The following RASGEF1C variants were observed in gnomAD, a reference collection of about 807,000 sequenced individuals.
The protein encoded by RASGEF1C is ras-GEF domain-containing family member 1C.
RASGEF1C carries 27 observed loss-of-function variants against 58.1 expected under a neutral mutation model. The ratio of observed to expected loss-of-function variants is 0.46; its 90% CI spans 0.34 to 0.64. The LOEUF (loss-of-function observed/expected upper bound fraction) is 0.64, where lower values mean the gene tolerates loss of function less well. Ranked by LOEUF, RASGEF1C falls within the 30% of genes least tolerant of loss-of-function variation. The pLI is 0.01. For missense variants in RASGEF1C, 502 were observed against 605.1 expected, an observed-to-expected ratio of 0.83 and a Z score of 1.79; for synonymous variants, 243 against 246.3, an observed-to-expected ratio of 0.99 and a Z score of 0.13.
intron 6 of RASGEF1C, among the ~76,000 whole-genome samples, chr5:180,121,836 G>T (rs1329073365): frequency 6.6e-6 from 1 of 152,248 alleles, no homozygotes; most frequent in Non-Finnish European, 1.5e-5. Flanking sequence ...CATCTCCAGA[G>T]GAGGCTAAGC....
chr5:180,138,564 C>T (rs1395684534), intron 1 of RASGEF1C, among the ~76,000 whole-genome samples: 3 of 152,158 alleles, frequency 2.0e-5, no homozygotes, highest in Non-Finnish European at 4.4e-5. Flanking sequence ...GCCATTGTGG[C>T]AGGAAAGTGG....
At chr5:180,191,171 A>T (rs575490240) in intron 1 of RASGEF1C, among the ~76,000 whole-genome samples, 1 of 152,332 alleles carries the variant, frequency 6.6e-6, no homozygotes, top group Admixed American at 6.5e-5. Flanking sequence ...AGCAACTGGA[A>T]TTGCCATACG....
intron 11 of RASGEF1C, among the ~76,000 whole-genome samples, chr5:180,112,447 A>G (rs572046078): frequency 7.6e-4 from 115 of 152,082 alleles, no homozygotes; most frequent in African/African-American, 2.5e-3. Flanking sequence ...CTGCACCTCT[A>G]CCCCCAGCCC....
At chr5:180,173,904 C>A (rs1399238280) in intron 1 of RASGEF1C, among the ~76,000 whole-genome samples, 1 of 113,676 alleles carries the variant, frequency 8.8e-6, no homozygotes, top group Non-Finnish European at 1.8e-5. Context: ...CAGAGCGAGA[C>A]TGTCTCAAAA....
intron 1 of RASGEF1C, among the ~76,000 whole-genome samples, chr5:180,194,127 G>A (rs1756220474): frequency 6.6e-6 from 1 of 152,164 alleles, no homozygotes; most frequent in Non-Finnish European, 1.5e-5. Flanking sequence ...TGCTTGCAGA[G>A]AGCAGGACCA....
At chr5:180,167,111 T>C (rs908195131) in intron 1 of RASGEF1C, among the ~76,000 whole-genome samples, 5 of 152,216 alleles carry the variant, frequency 3.3e-5, no homozygotes, top group Admixed American at 2.0e-4. Flanking sequence ...TTTATGTCTT[T>C]GACTAAATTG....
chr5:180,205,258 T>A (rs1756468125), intron 1 of RASGEF1C, among the ~76,000 whole-genome samples: 1 of 151,536 alleles, frequency 6.6e-6, no homozygotes, highest in South Asian at 2.1e-4. Context: ...AAAATTCAGG[T>A]AAGACAGAAA....
At chr5:180,130,843 C>T (rs567620901) in intron 4 of RASGEF1C, among the ~76,000 whole-genome samples, 83 of 152,244 alleles carry the variant, frequency 5.5e-4, no homozygotes, top group African/African-American at 1.9e-3. Context: ...GGCGGCGGTC[C>T]GTCATATGGC....
intron 1 of RASGEF1C, among the ~76,000 whole-genome samples, chr5:180,181,713 T>G (rs554318851): frequency 2.0e-5 from 3 of 152,306 alleles, no homozygotes; most frequent in African/African-American, 2.4e-5. Flanking sequence ...GAACTCCAAA[T>G]GAGAGAACAC....
chr5:180,112,889 GGGATGGACGGAGGGACCGT>G (rs1183454555), intron 11 of RASGEF1C, among the ~76,000 whole-genome samples: 2 of 149,486 alleles, frequency 1.3e-5, no homozygotes, highest in South Asian at 2.1e-4. Flanking sequence ...GGAGGGACCG[GGGATGGACGGAGGGACCGT>G]GGATGGACAG....
intron 1 of RASGEF1C, among the ~76,000 whole-genome samples, chr5:180,152,569 G>C (rs12719868): frequency 0.034 from 3,721 of 110,488 alleles, 200 homozygotes; most frequent in African/African-American, 0.13. Context: ...GTTGTGGGGT[G>C]GGGGGAGGGG....
chr5:180,155,742 G>A lies in RASGEF1C; in HGVS notation c.-6-17684C>T, dbSNP rs936482512. ...TGGCCCACGTTCTCAATTACGTCCT[G>A]AGAACATACTTCTACAAGGAGAGGC... is the stretch of plus-strand genomic sequence containing the variant. On this transcript the variant is annotated intron_variant, in intron 1 of 13. Transcript: ENST00000361132. This position sits in a 1 kb window ranked among gnomAD's most constrained non-coding sequence, Gnocchi z 5.2. Among the ~76,000 whole-genome samples, 1 of 152,040 alleles carries A rather than the reference G, an allele frequency of 6.6e-6. No individual in the cohort carries two copies. The highest frequency in any genetic ancestry group is 1.5e-5 in the Non-Finnish European group (1 of 68,012).
chr5:180,154,723 G>A (rs1581111012), intron 1 of RASGEF1C, among the ~76,000 whole-genome samples: 1 of 152,076 alleles, frequency 6.6e-6, no homozygotes, highest in African/African-American at 2.4e-5. Context: ...TGGGACTACA[G>A]GCACCCACCA....
intron 1 of RASGEF1C, among the ~76,000 whole-genome samples, chr5:180,181,121 G>T (rs1393525095): frequency 6.6e-6 from 1 of 152,180 alleles, no homozygotes; most frequent in African/African-American, 2.4e-5. Context: ...CTGGGGCTCT[G>T]CCCCTCCCAT....
chr5:180,134,500 A>G (rs554106865), intron 4 of RASGEF1C, among the ~76,000 whole-genome samples: 2 of 151,524 alleles, frequency 1.3e-5, no homozygotes, highest in South Asian at 4.2e-4. Flanking sequence ...AAAACAGGAG[A>G]CTGGGGTCTC....
At chr5:180,200,332 T>TTTTTTTATA (rs1756364424) in intron 1 of RASGEF1C, among the ~76,000 whole-genome samples, 1 of 122,894 alleles carries the variant, frequency 8.1e-6, no homozygotes, top group Non-Finnish European at 1.8e-5. Flanking sequence ...TTTTTTGAGA[T>TTTTTTTATA]AGAGTCCTGC....
Position 180,128,558 on chromosome 5 carries a change from G to T in RASGEF1C, c.491C>A (p.Ala164Glu). ...QLLQALHQKL[A>E]ALRQGPEGLV... ...ACCTTCTGGCCCCTGGCGCAGAGCC[G>T]CCAGCTTCTGGTGCAGAGCCTGTAG... is the stretch of plus-strand genomic sequence containing the variant. Residue 164 changes from alanine to glutamate, a missense_variant, in exon 5 of 14, where the codon GCG becomes GAG. Physicochemically the swap from Ala to Glu is moderately radical, Grantham distance 107. Transcript: ENST00000361132. 6.2e-7 allele frequency: 1 copy of T among 1,614,086 alleles called. No homozygotes were observed. Among genetic ancestry groups the T allele is most frequent in the Non-Finnish European group, 8.5e-7 (1 of 1,180,010 alleles).
chr5:180,121,689 T>C (rs1766180295), intron 6 of RASGEF1C, among the ~76,000 whole-genome samples: 1 of 144,784 alleles, frequency 6.9e-6, no homozygotes, highest in African/African-American at 2.5e-5. Context: ...ACACCCTCAT[T>C]ATTCCTGGAT....
At chr5:180,174,541 C>T (rs4700902) in intron 1 of RASGEF1C, among the ~76,000 whole-genome samples, 5 of 120,766 alleles carry the variant, frequency 4.1e-5, no homozygotes, top group Admixed American at 8.2e-5. Flanking sequence ...TCTGTGTGTG[C>T]GTGTGTGCGT....
Sources: gnomAD v4.1 joint callset for allele counts (sites outside exome capture counted in the v4.1 genomes callset) on GRCh38, gnomAD v4.1.1 for gene constraint, Gnocchi (gnomAD v3.1) non-coding constraint, MANE v1.5 for transcripts, NCBI Gene and HGNC (gene_info 2026-07-23, HGNC 2026-07-21) for gene names.